The following TAOK3 variants were observed in gnomAD, a reference collection of about 807,000 sequenced individuals.
TAOK3 encodes the protein serine/threonine-protein kinase TAO3.
Under a neutral mutation model 120.4 loss-of-function variants are expected in TAOK3, and 40 were observed. The observed-to-expected ratio is 0.33, with a 90% confidence interval of 0.26 to 0.43. The LOEUF (loss-of-function observed/expected upper bound fraction) is 0.43. TAOK3 is among the 20% of genes least tolerant of loss of function. The probability of loss-of-function intolerance (pLI) is 1.00; values close to 1 mark genes in which losing one functional copy is unlikely to be tolerated. For missense variants in TAOK3, 821 were observed against 1,112.1 expected (o/e 0.74, Z 3.72); for synonymous variants, 355 against 387.5 (o/e 0.92, Z 0.99).
Position 118,221,859 on chromosome 12 carries a change from C to T in TAOK3, c.644-7749G>A, listed in dbSNP as rs1484824365. 2.0e-5 allele frequency among the ~76,000 whole-genome samples: 3 copies of T among 151,988 alleles called. No individual in the cohort carries two copies. The East Asian group carries it at 5.9e-4, about 30-fold the overall frequency. On this transcript the variant is annotated intron_variant, in intron 9 of 20. Transcript: ENST00000392533. ...CTGTGTTAGCCAGGATGTTCTTGAT[C>T]TCCTGACCTCATGATCTGCCCGCCT... is the stretch of plus-strand genomic sequence containing the variant.
intron 14 of TAOK3, among the ~76,000 whole-genome samples, chr12:118,183,121 C>T (rs1278410319): frequency 6.6e-6 from 1 of 152,106 alleles, no homozygotes; most frequent in Non-Finnish European, 1.5e-5. Flanking sequence ...TACTGTAAGG[C>T]CCATCTCCCC....
Position 118,245,249 on chromosome 12 carries a change from T to G in TAOK3, c.121-284A>C, listed in dbSNP as rs564793990. The stretch of plus-strand genomic sequence containing the variant: ...TGGGGTTCCACCATGTTGACCAGGC[T>G]GGTCTTAAACTCCTGACTTCAAATG... On this transcript the variant is annotated intron_variant, in intron 3 of 20. Transcript: ENST00000392533. 1.0e-3 allele frequency among the ~76,000 whole-genome samples: 152 copies of G among 152,058 alleles called. 2 individuals carry two copies. The highest frequency in any genetic ancestry group is 7.7e-3 in the South Asian group (37 of 4,822).
chr12:118,235,230 C>T (rs1027888067), intron 8 of TAOK3, among the ~76,000 whole-genome samples: 1 of 152,136 alleles, frequency 6.6e-6, no homozygotes, highest in African/African-American at 2.4e-5. Flanking sequence ...GCTGCCCTGT[C>T]CTTACCTGGA....
intron 5 of TAOK3, among the ~76,000 whole-genome samples, chr12:118,242,088 A>C (rs1349357725): frequency 1.8e-5 from 2 of 111,244 alleles, no homozygotes; most frequent in African/African-American, 3.0e-5. Flanking sequence ...ACTCTGTCTC[A>C]AAAAAAAAAA....
intron 9 of TAOK3, among the ~76,000 whole-genome samples, chr12:118,218,629 C>A (rs1030290149): frequency 6.6e-6 from 1 of 151,920 alleles, no homozygotes; most frequent in African/African-American, 2.4e-5. Flanking sequence ...TCATTATTTC[C>A]TAAACAATTT....
chr12:118,277,626 A>G (rs2140377804), intron 1 of TAOK3, among the ~76,000 whole-genome samples: 1 of 151,954 alleles, frequency 6.6e-6, no homozygotes, highest in South Asian at 2.1e-4. Context: ...ATGCCTGGCT[A>G]ATTTTTGAAT....
At chr12:118,337,876 C>G (rs761772854) in intron 1 of TAOK3, among the ~76,000 whole-genome samples, 1 of 152,024 alleles carries the variant, frequency 6.6e-6, no homozygotes, top group Non-Finnish European at 1.5e-5. Context: ...ATTTCATAGA[C>G]CTAAATATAC....
intron 1 of TAOK3, among the ~76,000 whole-genome samples, chr12:118,367,842 G>C (rs2045782865): frequency 6.6e-6 from 1 of 151,896 alleles, no homozygotes; most frequent in South Asian, 2.1e-4. Flanking sequence ...TTAAAAAAAG[G>C]GGCACTTAAT....
rs187089166 is a variant in TAOK3, at chr12:118,258,542, T to C, written c.-88-2887A>G. 7.9e-5 allele frequency among the ~76,000 whole-genome samples: 12 copies of C among 152,032 alleles called. No individual in the cohort carries two copies. In the East Asian group the frequency reaches 2.3e-3, roughly 29 times the overall value. On this transcript the variant is annotated intron_variant, in intron 2 of 20. Coordinates refer to ENST00000392533, the MANE Select transcript of TAOK3 (RefSeq NM_016281.4). ...TTCTGGCCAACATGGTAAAACCCCA[T>C]CTCTACTAAAAAAATACAAAAATTA... is the stretch of plus-strand genomic sequence containing the variant.
chr12:118,250,250 C>T (rs1245609037), intron 3 of TAOK3, among the ~76,000 whole-genome samples: 4 of 152,052 alleles, frequency 2.6e-5, no homozygotes, highest in African/African-American at 9.7e-5. Flanking sequence ...TGTGAGCCAC[C>T]ACGCCCAACC....
At chr12:118,275,963 C>T (rs1044377912) in intron 1 of TAOK3, among the ~76,000 whole-genome samples, 10 of 151,564 alleles carry the variant, frequency 6.6e-5, no homozygotes, top group East Asian at 3.9e-4. Context: ...CTCCAGAAAA[C>T]GCCAGAAGGC....
chr12:118,327,105 T>C (rs550134438), intron 1 of TAOK3, among the ~76,000 whole-genome samples: 1 of 152,316 alleles, frequency 6.6e-6, no homozygotes, highest in South Asian at 2.1e-4. Context: ...TGGGCTAATT[T>C]GGGATCACAG....
intron 2 of TAOK3, among the ~76,000 whole-genome samples, chr12:118,262,620 C>T (rs993569295): frequency 4.0e-5 from 6 of 149,280 alleles, no homozygotes; most frequent in African/African-American, 1.2e-4. Flanking sequence ...TGAGGTGAGG[C>T]GTTCAAGACC....
chr12:118,161,105 C>G lies in TAOK3; in HGVS notation c.2139+683G>C, dbSNP rs575651267. On this transcript the variant is annotated intron_variant, in intron 18 of 20. Coordinates refer to ENST00000392533, the MANE Select transcript of TAOK3 (RefSeq NM_016281.4). The surrounding 1 kb of genome is among the most constrained non-coding windows in gnomAD (Gnocchi z 4.5). ...TCTGAGGACTTATGGTGATAGAAAT[C>G]ATTGCTTAGCTTAGAATTTGACTGA... 6.6e-6 allele frequency among the ~76,000 whole-genome samples: 1 copy of G among 152,330 alleles called. No individual in the cohort carries two copies. Among genetic ancestry groups the G allele is most frequent in the Admixed American group, 6.5e-5 (1 of 15,306 alleles).
chr12:118,181,342 G>C (rs768153630), intron 15 of TAOK3, 29 bp downstream of exon 15: 6 of 1,560,712 alleles, frequency 3.8e-6, no homozygotes, highest in Non-Finnish European at 5.3e-6. Flanking sequence ...GCTTGGTTGT[G>C]GCATGAAGGC....
At chr12:118,165,098 A>C (rs2035497129) in intron 17 of TAOK3, among the ~76,000 whole-genome samples, 1 of 152,232 alleles carries the variant, frequency 6.6e-6, no homozygotes, top group South Asian at 2.1e-4. Flanking sequence ...AGGAATAAAA[A>C]ATAAGCCCTT....
At chr12:118,202,354 T>C (rs2038065596) in intron 11 of TAOK3, among the ~76,000 whole-genome samples, 1 of 152,118 alleles carries the variant, frequency 6.6e-6, no homozygotes, top group Non-Finnish European at 1.5e-5. Context: ...TATGAGGTGC[T>C]GACTTCATTT....
chr12:118,333,616 GA>G (rs2044240911), intron 1 of TAOK3, among the ~76,000 whole-genome samples: 1 of 150,448 alleles, frequency 6.6e-6, no homozygotes, highest in African/African-American at 2.4e-5. Flanking sequence ...TAAGCAGAAA[GA>G]AAGAAAAAAT....
At position 118,160,257 on chromosome 12, in the gene TAOK3, C is replaced by T. The variant is rs561928600; in HGVS notation, c.2241G>A (p.Lys747=). Residue 747 remains lysine, a synonymous_variant, in exon 19 of 21, where the codon AAG becomes AAA. Coordinates refer to ENST00000392533, the MANE Select transcript of TAOK3 (RefSeq NM_016281.4). The surrounding 1 kb of genome is among the most constrained non-coding windows in gnomAD (Gnocchi z 4.2). Reference sequence around the variant, plus strand: ...TCTTTAAGATTGTTTTGTGCTCATTCTTTGGAGTAACTTCCAACTGGTGAT... The same window carrying T: ...TCTTTAAGATTGTTTTGTGCTCATTTTTTGGAGTAACTTCCAACTGGTGAT... The part of the protein sequence containing the change: ...LKNHQLEVTP[K]NEHKTILKTL... 1.3e-4 allele frequency: 204 copies of T among 1,614,194 alleles called. 4 individuals carry two copies. In the South Asian group the frequency reaches 2.1e-3, roughly 17 times the overall value.
Sources: gnomAD v4.1 joint callset for allele counts (sites outside exome capture counted in the v4.1 genomes callset) on GRCh38, gnomAD v4.1.1 for gene constraint, Gnocchi (gnomAD v3.1) non-coding constraint, MANE v1.5 for transcripts, NCBI Gene and HGNC (gene_info 2026-07-23, HGNC 2026-07-21) for gene names.